BTBD9: variants seen among roughly 807,000 people sequenced by gnomAD.
BTBD9 encodes BTB domain containing 9, also known as BTB/POZ domain-containing protein 9.
BTBD9 carries 49 observed loss-of-function variants against 64.3 expected under a neutral mutation model. The ratio of observed to expected loss-of-function variants is 0.76; its 90% CI spans 0.61 to 0.97. BTBD9 has a LOEUF of 0.97. BTBD9 is among the 50% of genes least tolerant of loss of function. BTBD9 has a pLI of 0.00. For synonymous variants in BTBD9, 260 were observed against 274.7 expected (o/e 0.95, Z 0.53); for missense variants, 598 against 762.1 (o/e 0.78, Z 2.53).
intron 6 of BTBD9, among the ~76,000 whole-genome samples, chr6:38,446,104 C>T (rs1414516382): frequency 6.6e-6 from 1 of 152,140 alleles, no homozygotes; most frequent in Non-Finnish European, 1.5e-5. Flanking sequence ...AAAAGTAAGA[C>T]ACGTGAGTAG....
chr6:38,345,098 C>T lies in BTBD9; in HGVS notation c.1155-5G>A, dbSNP rs766846113. Reference sequence around the variant, plus strand: ...GTCCCAACAATTCGAATATACCTGACGGTAAAAAGAAAAGAAAATGTGTTG... The same window carrying T: ...GTCCCAACAATTCGAATATACCTGATGGTAAAAAGAAAAGAAAATGTGTTG... On this transcript the variant is annotated splice_polypyrimidine_tract_variant and splice_region_variant and intron_variant, in intron 6 of 10. Coordinates refer to ENST00000481247, the MANE Select transcript of BTBD9 (RefSeq NM_001099272.2). The T allele has an allele frequency of 3.9e-5, 61 of 1,572,470 alleles. No individual in the cohort carries two copies. Among genetic ancestry groups the T allele is most frequent in the East Asian group, 1.3e-4 (6 of 44,454 alleles).
intron 6 of BTBD9, among the ~76,000 whole-genome samples, chr6:38,420,708 T>C (rs1767864031): frequency 6.6e-6 from 1 of 151,722 alleles, no homozygotes; most frequent in Non-Finnish European, 1.5e-5. Context: ...ATACAAAAAT[T>C]AGCTGGGCAT....
intron 9 of BTBD9, among the ~76,000 whole-genome samples, chr6:38,203,951 A>T (rs1047393360): frequency 1.3e-5 from 2 of 152,096 alleles, no homozygotes; most frequent in African/African-American, 4.8e-5. Flanking sequence ...GATGATGAAT[A>T]CTCCAAATAA....
chr6:38,602,514 C>A (rs1777288333), intron 1 of BTBD9, among the ~76,000 whole-genome samples: 1 of 151,322 alleles, frequency 6.6e-6, no homozygotes, highest in African/African-American at 2.4e-5. Flanking sequence ...ACTGAAAAAG[C>A]AAGAATATAA....
chr6:38,278,544 A>C lies in BTBD9; in HGVS notation c.1454+9728T>G, dbSNP rs148362177. Among the ~76,000 whole-genome samples the C allele has an allele frequency of 4.3e-4, 66 of 152,336 alleles. No homozygotes were observed. In the East Asian group the frequency reaches 0.012, roughly 28 times the overall value. ...TATAGGAGGTTCTGCAGGATCACGA[A>C]ACAAATTAGAATCTTTGGAGCTGGA... On this transcript the variant is annotated intron_variant, in intron 8 of 10. Coordinates refer to ENST00000481247, the MANE Select transcript of BTBD9 (RefSeq NM_001099272.2).
Position 38,372,417 on chromosome 6 carries a change from T to C in BTBD9, c.1155-27324A>G, listed in dbSNP as rs1004533090. Among the ~76,000 whole-genome samples, 3 of 152,248 alleles carry C rather than the reference T, an allele frequency of 2.0e-5. No individual in the cohort carries two copies. In the East Asian group the frequency reaches 5.8e-4, roughly 29 times the overall value. On this transcript the variant is annotated intron_variant, in intron 6 of 10. Coordinates refer to ENST00000481247, the MANE Select transcript of BTBD9 (RefSeq NM_001099272.2). ...GAGTTGGGGTTTTAGTGGGTTGGTA[T>C]GGACTGACATAACACATTTTCTAAA...
At chr6:38,516,385 A>C (rs928282149) in intron 6 of BTBD9, among the ~76,000 whole-genome samples, 1 of 152,230 alleles carries the variant, frequency 6.6e-6, no homozygotes, top group African/African-American at 2.4e-5. Context: ...GGTTAAGGCC[A>C]GGCATGAAAA....
chr6:38,380,718 G>T (rs893831612), intron 6 of BTBD9, among the ~76,000 whole-genome samples: 2 of 152,078 alleles, frequency 1.3e-5, no homozygotes, highest in Non-Finnish European at 2.9e-5. Flanking sequence ...GGTAATGTGC[G>T]CCTGTAGTCC....
At chr6:38,488,068 C>T (rs1237052452) in intron 6 of BTBD9, among the ~76,000 whole-genome samples, 1 of 152,120 alleles carries the variant, frequency 6.6e-6, no homozygotes, top group East Asian at 1.9e-4. Flanking sequence ...GCCATCCTCC[C>T]ACTTCGGCCT....
Position 38,174,967 on chromosome 6 carries a change from C to G in BTBD9, c.*18G>C. On this transcript the variant is annotated 3_prime_UTR_variant, in exon 11 of 11. Coordinates refer to ENST00000481247, the MANE Select transcript of BTBD9 (RefSeq NM_001099272.2). ...CGTTGCCCGAGCCCACCAAGTCACA[C>G]CAGGCCCGCTGCCTCCTTTATTGGT... is the stretch of plus-strand genomic sequence containing the variant. 6.2e-7 allele frequency: 1 copy of G among 1,613,096 alleles called. No homozygotes were observed. The highest frequency in any genetic ancestry group is 8.5e-7 in the Non-Finnish European group (1 of 1,180,016).
intron 6 of BTBD9, among the ~76,000 whole-genome samples, chr6:38,451,108 C>G (rs1582451411): frequency 6.6e-6 from 1 of 152,142 alleles, no homozygotes; most frequent in East Asian, 1.9e-4. Flanking sequence ...TCCCCGATTA[C>G]TCTAAACCTC....
intron 8 of BTBD9, among the ~76,000 whole-genome samples, chr6:38,279,287 A>C (rs550093572): frequency 1.3e-5 from 2 of 152,070 alleles, no homozygotes; most frequent in Non-Finnish European, 2.9e-5. Flanking sequence ...AAAAAGAGAG[A>C]TACACTGACA....
chr6:38,422,546 A>G (rs1767951499), intron 6 of BTBD9, among the ~76,000 whole-genome samples: 1 of 152,138 alleles, frequency 6.6e-6, no homozygotes, highest in South Asian at 2.1e-4. Context: ...TTAAAAAGGG[A>G]ATATTGGTGC....
At chr6:38,549,640 C>A (rs1434502470) in intron 6 of BTBD9, among the ~76,000 whole-genome samples, 1 of 152,076 alleles carries the variant, frequency 6.6e-6, no homozygotes, top group East Asian at 1.9e-4. Context: ...TAACTTTTCC[C>A]AGACAGTTGA....
chr6:38,575,718 C>CT (rs1775992127), intron 6 of BTBD9, among the ~76,000 whole-genome samples: 1 of 151,944 alleles, frequency 6.6e-6, no homozygotes, highest in Non-Finnish European at 1.5e-5. Flanking sequence ...TTAAAAAATT[C>CT]TTATTAACAT....
intron 7 of BTBD9, among the ~76,000 whole-genome samples, chr6:38,300,401 C>A (rs1048316719): frequency 4.6e-5 from 7 of 152,216 alleles, no homozygotes; most frequent in African/African-American, 1.4e-4. Flanking sequence ...TGAAGAAAGT[C>A]ATTGGAAGCT....
At chr6:38,519,938 C>A (rs1203076831) in intron 6 of BTBD9, among the ~76,000 whole-genome samples, 1 of 152,156 alleles carries the variant, frequency 6.6e-6, no homozygotes, top group Non-Finnish European at 1.5e-5. Context: ...ACCACTGTAG[C>A]ATCACTTATA....
chr6:38,232,371 C>T (rs912236621), intron 9 of BTBD9, among the ~76,000 whole-genome samples: 4 of 151,864 alleles, frequency 2.6e-5, no homozygotes, highest in Non-Finnish European at 5.9e-5. Flanking sequence ...CCCGGGTTCA[C>T]GCCATTCTCC....
intron 7 of BTBD9, among the ~76,000 whole-genome samples, chr6:38,319,601 G>A (rs1763158899): frequency 6.6e-6 from 1 of 152,026 alleles, no homozygotes; most frequent in Non-Finnish European, 1.5e-5. Context: ...CTAGGGCCTG[G>A]AATGGAGGCC....
Sources: gnomAD v4.1 joint callset for allele counts (sites outside exome capture counted in the v4.1 genomes callset) on GRCh38, gnomAD v4.1.1 for gene constraint, MANE v1.5 for transcripts, NCBI Gene and HGNC (gene_info 2026-07-23, HGNC 2026-07-21) for gene names.